RBFOX1: variants seen among roughly 807,000 people sequenced by gnomAD.
RBFOX1 encodes RNA binding fox-1 homolog 1.
A neutral mutation model predicts 57.7 loss-of-function variants in RBFOX1; 8 were observed. The ratio of observed to expected loss-of-function variants is 0.14; its 90% CI spans 0.08 to 0.25. RBFOX1 has a LOEUF of 0.25. RBFOX1 is among the 10% of genes least tolerant of loss of function. The probability of loss-of-function intolerance (pLI) is 1.00; values close to 1 mark genes in which losing one functional copy is unlikely to be tolerated. For synonymous variants in RBFOX1, 326 were observed against 222.4 expected (o/e 1.47, Z -4.15); for missense variants, 611 against 548.5 (o/e 1.11, Z -1.14).
In RBFOX1 at chr16:7,010,884, C is replaced by G. The variant is rs1304820231; in HGVS notation, c.-15-41173C>G. ...GAGCCACTGCTCCCGGCCCACATCTCTTTTCTTGAGCAGAAGATAGTGTGC... is the reference window on the plus strand; with the variant it reads ...GAGCCACTGCTCCCGGCCCACATCTGTTTTCTTGAGCAGAAGATAGTGTGC... On this transcript the variant is annotated intron_variant, in intron 3 of 15. Transcript: ENST00000550418. Among the ~76,000 whole-genome samples the G allele has an allele frequency of 2.6e-5, 4 of 152,284 alleles. No individual in the cohort carries two copies. The East Asian group carries it at 7.7e-4, about 29-fold the overall frequency.
chr16:6,080,530 A>C (rs1000195650), intron 1 of RBFOX1, among the ~76,000 whole-genome samples: 3 of 152,184 alleles, frequency 2.0e-5, no homozygotes, highest in African/African-American at 7.2e-5. Context: ...GATTGAAGAA[A>C]CTTACAATGA....
intron 3 of RBFOX1, among the ~76,000 whole-genome samples, chr16:6,931,293 C>G (rs1270537139): frequency 1.7e-5 from 2 of 120,330 alleles, no homozygotes; most frequent in Non-Finnish European, 3.4e-5. Flanking sequence ...GTCTGTCTGT[C>G]TGTCTATCTA....
rs117499172 is a variant in RBFOX1 at position 6,982,360 on chromosome 16, T to A, written c.-15-69697T>A. Among the ~76,000 whole-genome samples the A allele has an allele frequency of 8.0e-3, 1,226 of 152,336 alleles. 15 individuals carry two copies. Among genetic ancestry groups the A allele is most frequent in the Non-Finnish European group, 9.6e-3 (656 of 68,032 alleles). ...GGCCAGCATGTCATTTTGACTTTTG[T>A]TGGTTTTATTAGTGAGAACACTGAA... is the stretch of plus-strand genomic sequence containing the variant. On this transcript the variant is annotated intron_variant, in intron 3 of 15. Transcript: ENST00000550418.
intron 10 of RBFOX1, among the ~76,000 whole-genome samples, chr16:7,620,336 C>T (rs1174513690): frequency 6.6e-6 from 1 of 152,140 alleles, no homozygotes; most frequent in African/African-American, 2.4e-5. Context: ...GAGTTTTACC[C>T]AAAGTCAACT....
At chr16:5,751,008 A>G (rs943819402) in intron 3 of RBFOX1, among the ~76,000 whole-genome samples, 34 of 152,058 alleles carry the variant, frequency 2.2e-4, no homozygotes, top group African/African-American at 8.2e-4. Flanking sequence ...GAACCCACCA[A>G]TTTTTGTATT....
chr16:7,618,007 T>TA (rs35612730), intron 10 of RBFOX1, among the ~76,000 whole-genome samples: 82,952 of 149,796 alleles, frequency 0.55, 24,407 homozygotes, highest in East Asian at 0.83. Flanking sequence ...TGAGAAAACT[T>TA]AAAAAAAAAA....
At chr16:7,596,090 GTTTGT>G (rs2094676979) in intron 8 of RBFOX1, among the ~76,000 whole-genome samples, 2 of 22,494 alleles carry the variant, frequency 8.9e-5, no homozygotes, top group Admixed American at 5.6e-4. Flanking sequence ...TTGTTTTTTT[GTTTGT>G]TTTTTTTTGT....
At chr16:7,024,796 C>T (rs1379624429) in intron 3 of RBFOX1, among the ~76,000 whole-genome samples, 4 of 152,202 alleles carry the variant, frequency 2.6e-5, no homozygotes, top group Non-Finnish European at 4.4e-5. Flanking sequence ...CCTGCAATTC[C>T]CTCTGGACCC....
chr16:5,287,058 A>C (rs1004772259), intron 1 of RBFOX1, among the ~76,000 whole-genome samples: 9 of 152,200 alleles, frequency 5.9e-5, no homozygotes, highest in African/African-American at 2.2e-4. Flanking sequence ...TAATCCTAGC[A>C]CTTTGGGAGG....
At chr16:7,369,841 A>G (rs541352126) in intron 4 of RBFOX1, among the ~76,000 whole-genome samples, 1 of 152,208 alleles carries the variant, frequency 6.6e-6, no homozygotes, top group African/African-American at 2.4e-5. Context: ...AGTACTATCA[A>G]TTTCATTATC....
intron 4 of RBFOX1, among the ~76,000 whole-genome samples, chr16:7,468,194 C>G (rs2060875692): frequency 6.6e-6 from 1 of 152,180 alleles, no homozygotes; most frequent in African/African-American, 2.4e-5. Context: ...ATCAAAAGAG[C>G]TGAAAAGGGT....
intron 2 of RBFOX1, among the ~76,000 whole-genome samples, chr16:5,537,118 T>C (rs1307314963): frequency 6.6e-6 from 1 of 152,206 alleles, no homozygotes; most frequent in Non-Finnish European, 1.5e-5. Flanking sequence ...TTCATGTTGA[T>C]TTAGGTATTC....
chr16:5,705,008 A>G (rs751905227), intron 3 of RBFOX1, among the ~76,000 whole-genome samples: 2 of 140,140 alleles, frequency 1.4e-5, no homozygotes, highest in Admixed American at 7.1e-5. Context: ...TCCACCAGGA[A>G]TCTCTCCCTC....
intron 3 of RBFOX1, among the ~76,000 whole-genome samples, chr16:6,740,232 G>GA (rs1203932639): frequency 6.6e-6 from 1 of 151,906 alleles, no homozygotes; most frequent in Admixed American, 6.6e-5. Flanking sequence ...AGAAGTCTCA[G>GA]AAAAAAATAA....
chr16:6,967,891 C>A (rs79426783), intron 3 of RBFOX1, among the ~76,000 whole-genome samples: 1 of 152,048 alleles, frequency 6.6e-6, no homozygotes, highest in African/African-American at 2.4e-5. Context: ...AAAAGATGCC[C>A]CAAATCACTG....
rs1421653371 is a variant in RBFOX1 at position 6,598,095 on chromosome 16, T to C, written c.-63-56508T>C. ...TTTCTGGTACTTGTGGCAGAAGGCATCCTTATAGATGCACCTATACATATA... is the reference window on the plus strand; with the variant it reads ...TTTCTGGTACTTGTGGCAGAAGGCACCCTTATAGATGCACCTATACATATA... On this transcript the variant is annotated intron_variant, in intron 2 of 15. Transcript: ENST00000550418. 2.6e-5 allele frequency among the ~76,000 whole-genome samples: 4 copies of C among 152,210 alleles called. No individual in the cohort carries two copies. In the East Asian group the frequency reaches 7.7e-4, roughly 29 times the overall value.
At chr16:6,849,357 TCTTATA>T (rs2093942691) in intron 3 of RBFOX1, among the ~76,000 whole-genome samples, 1 of 152,170 alleles carries the variant, frequency 6.6e-6, no homozygotes, top group African/African-American at 2.4e-5. Flanking sequence ...AAAAATATAG[TCTTATA>T]CTTTAGATAG....
Position 7,099,514 on chromosome 16 carries a change from C to T in RBFOX1, c.27+47416C>T, listed in dbSNP as rs1277706005. 2.6e-5 allele frequency among the ~76,000 whole-genome samples: 4 copies of T among 152,078 alleles called. No individual in the cohort carries two copies. In the East Asian group the frequency reaches 7.7e-4, roughly 29 times the overall value. On this transcript the variant is annotated intron_variant, in intron 4 of 15. Coordinates refer to ENST00000550418, the MANE Select transcript of RBFOX1 (RefSeq NM_018723.4). ...TTCTCTTCTCCTATTACTTATAAAC[C>T]AACAAGTATCTGAGACAAGTCTCAG... is the stretch of plus-strand genomic sequence containing the variant.
At chr16:6,531,498 A>G (rs183077295) in intron 2 of RBFOX1, among the ~76,000 whole-genome samples, 87 of 152,336 alleles carry the variant, frequency 5.7e-4, no homozygotes, top group African/African-American at 1.6e-3. Flanking sequence ...ACGTGGGAAA[A>G]TGGTGAAATA....
Sources: allele counts gnomAD v4.1 joint callset (sites outside exome capture counted in the v4.1 genomes callset), GRCh38; gene constraint gnomAD v4.1.1; transcripts MANE v1.5; gene names NCBI Gene and HGNC (gene_info 2026-07-23, HGNC 2026-07-21).